The following SIPA1L2 variants were observed in gnomAD, a reference collection of about 807,000 sequenced individuals.
SIPA1L2 encodes the protein signal induced proliferation associated 1 like 2, also known as signal-induced proliferation-associated 1-like protein 2.
Under a neutral mutation model 163.9 loss-of-function variants are expected in SIPA1L2, and 56 were observed. The observed-to-expected ratio is 0.34, with a 90% CI of 0.28 to 0.43. The LOEUF (loss-of-function observed/expected upper bound fraction) is 0.43. Among genes scored for constraint, SIPA1L2 ranks in the 20% least tolerant of loss-of-function variants. The pLI, the probability that SIPA1L2 is intolerant of heterozygous loss-of-function variation, is 1.00. For missense variants in SIPA1L2, 1,974 were observed against 2,193.5 expected (o/e 0.90, Z 2.00); for synonymous variants, 877 against 865.7 (o/e 1.01, Z -0.23).
intron 16 of SIPA1L2, among the ~76,000 whole-genome samples, chr1:232,428,964 G>A (rs920380911): frequency 2.6e-5 from 4 of 152,256 alleles, no homozygotes; most frequent in East Asian, 1.9e-4. Context: ...CCAGAGCCCC[G>A]ATGGCACCCA....
intron 1 of SIPA1L2, among the ~76,000 whole-genome samples, chr1:232,621,345 C>T (rs1291957185): frequency 1.3e-5 from 2 of 151,834 alleles, no homozygotes; most frequent in African/African-American, 2.4e-5. Context: ...CTTATATGCA[C>T]ACACCTTCTT....
rs1396261477 is a variant in SIPA1L2, at chr1:232,514,900, T to A, written c.440A>T (p.His147Leu). ...AKYTIGDIFV[H>L]SPQRGLHPIR... is the part of the protein sequence containing the mutation. ...GGGGTGAAGTCCTCTTTGGGGGGAATGGACAAAGATGTCTCCGATTGTGTA... is the reference window on the plus strand; with the variant it reads ...GGGGTGAAGTCCTCTTTGGGGGGAAAGGACAAAGATGTCTCCGATTGTGTA... The change falls in exon 3 of 23, where the codon CAT becomes CTT. Residue 147 changes from histidine to leucine, a missense_variant. Physicochemically the swap from His to Leu is moderately conservative, Grantham distance 99 (BLOSUM62 -3). This residue lies in a region of SIPA1L2 where 607 missense variants were observed against 624.0 expected (regional missense o/e 0.97). Coordinates refer to ENST00000674635, the MANE Select transcript of SIPA1L2 (RefSeq NM_020808.5). 1 of 1,614,190 alleles carries A rather than the reference T, an allele frequency of 6.2e-7. No individual in the cohort carries two copies. Among genetic ancestry groups the A allele is most frequent in the Non-Finnish European group, 8.5e-7 (1 of 1,180,024 alleles).
chr1:232,467,286 T>G (rs79720249), intron 8 of SIPA1L2, among the ~76,000 whole-genome samples: 2 of 152,264 alleles, frequency 1.3e-5, no homozygotes, highest in Non-Finnish European at 2.9e-5. Flanking sequence ...TGCTTTATGG[T>G]AGTATATATA....
chr1:232,533,448 G>A (rs1452275526), intron 2 of SIPA1L2, among the ~76,000 whole-genome samples: 3 of 152,176 alleles, frequency 2.0e-5, no homozygotes, highest in Non-Finnish European at 4.4e-5. Flanking sequence ...ACTGGGCGGG[G>A]CAATGATCTC....
At chr1:232,401,453 C>T (rs1660334780) in intron 22 of SIPA1L2, among the ~76,000 whole-genome samples, 1 of 152,188 alleles carries the variant, frequency 6.6e-6, no homozygotes, top group African/African-American at 2.4e-5. Context: ...TATCCGCTAT[C>T]CACAAAACTC....
chr1:232,448,259 CG>C lies in SIPA1L2; in HGVS notation c.3096-2474del, dbSNP rs1321214572. Among the ~76,000 whole-genome samples, 20 of 152,300 alleles carry C rather than the reference CG, an allele frequency of 1.3e-4. No homozygotes were observed. The South Asian group carries it at 4.1e-3, about 32-fold the overall frequency. On this transcript the variant is annotated intron_variant, in intron 10 of 22. Coordinates refer to ENST00000674635, the MANE Select transcript of SIPA1L2 (RefSeq NM_020808.5). ...GCCTGCGAAGCTAATTGGTGCAGTT[CG>C]GCAAGGACACGGGAAGACTAGATAA... is the stretch of plus-strand genomic sequence containing the variant.
intron 10 of SIPA1L2, among the ~76,000 whole-genome samples, chr1:232,459,965 G>A (rs1005804041): frequency 6.6e-6 from 1 of 152,080 alleles, no homozygotes; most frequent in Non-Finnish European, 1.5e-5. Flanking sequence ...GTGAGACTTA[G>A]AGAGAGTGTG....
chr1:232,472,433 G>C (rs1031122907), intron 7 of SIPA1L2, among the ~76,000 whole-genome samples: 1 of 152,194 alleles, frequency 6.6e-6, no homozygotes, highest in South Asian at 2.1e-4. Flanking sequence ...GCCAGGCAAA[G>C]GAGGTACCCA....
intron 1 of SIPA1L2, among the ~76,000 whole-genome samples, chr1:232,577,279 T>G (rs1660128299): frequency 1.3e-5 from 2 of 152,162 alleles, no homozygotes; most frequent in Non-Finnish European, 2.9e-5. Context: ...CTAAATATTT[T>G]AAGTCCACAT....
intron 1 of SIPA1L2, among the ~76,000 whole-genome samples, chr1:232,615,768 GA>G (rs1290165469): frequency 7.2e-5 from 11 of 152,068 alleles, no homozygotes; most frequent in Non-Finnish European, 8.8e-5. Flanking sequence ...TACTTCCAAT[GA>G]GGGGGGGCAG....
chr1:232,432,509 G>C lies in SIPA1L2; in HGVS notation c.4032-38C>G, dbSNP rs375542404. The C allele has an allele frequency of 2.9e-5, 46 of 1,571,882 alleles. 1 individual carries two copies. Among genetic ancestry groups the C allele is most frequent in the South Asian group, 2.2e-4 (20 of 89,860 alleles). On this transcript the variant is annotated intron_variant, in intron 15 of 22. Coordinates refer to ENST00000674635, the MANE Select transcript of SIPA1L2 (RefSeq NM_020808.5). ...ACAGACAAAAGCTGCAATACAATCT[G>C]ATTTCAGCAGTGCTGGCACACGGCC... is the stretch of plus-strand genomic sequence containing the variant.
chr1:232,457,264 G>A (rs773828084), intron 10 of SIPA1L2, among the ~76,000 whole-genome samples: 1 of 152,168 alleles, frequency 6.6e-6, no homozygotes, highest in Non-Finnish European at 1.5e-5. Context: ...TAAATGACAG[G>A]CCACTCATGC....
In SIPA1L2 at chr1:232,514,737, T is replaced by C; in HGVS notation, c.603A>G (p.Gln201=). Reference sequence around the variant, plus strand: ...CAAAAAAGTTTTCACCAGATAAGCCTTGCCTGTCGATGGATGAAGTACTTC... The same window carrying C: ...CAAAAAAGTTTTCACCAGATAAGCCCTGCCTGTCGATGGATGAAGTACTTC... ...EYGSTSSIDR[Q]GLSGENFFAM... Residue 201 remains glutamine, a synonymous_variant, in exon 3 of 23, where the codon CAA becomes CAG. Coordinates refer to ENST00000674635, the MANE Select transcript of SIPA1L2 (RefSeq NM_020808.5). 3.1e-6 allele frequency: 5 copies of C among 1,614,186 alleles called. No individual in the cohort carries two copies. Among genetic ancestry groups the C allele is most frequent in the Non-Finnish European group, 4.2e-6 (5 of 1,180,032 alleles).
In SIPA1L2 at chr1:232,551,943, G is replaced by A. The variant is rs144378324; in HGVS notation, c.-270+22231C>T. On this transcript the variant is annotated intron_variant, in intron 2 of 22. Transcript: ENST00000674635. ...CAACCTCTGCCTCCTGGGTTTAAGCGATTCTCCTGCCTCAGCCTCCTAAGT... is the reference window on the plus strand; with the variant it reads ...CAACCTCTGCCTCCTGGGTTTAAGCAATTCTCCTGCCTCAGCCTCCTAAGT... 1.6e-3 allele frequency among the ~76,000 whole-genome samples: 250 copies of A among 152,288 alleles called. 1 individual carries two copies. The highest frequency in any genetic ancestry group is 5.8e-3 in the African/African-American group (243 of 41,556).
chr1:232,533,710 C>A (rs555458205), intron 2 of SIPA1L2, among the ~76,000 whole-genome samples: 1 of 152,156 alleles, frequency 6.6e-6, no homozygotes, highest in East Asian at 1.9e-4. Flanking sequence ...CTCTGCTAGA[C>A]CCTTGATACA....
At chr1:232,523,091 A>G (rs1400684237) in intron 2 of SIPA1L2, among the ~76,000 whole-genome samples, 3 of 152,228 alleles carry the variant, frequency 2.0e-5, no homozygotes, top group African/African-American at 7.2e-5. Flanking sequence ...TATTTGAGAG[A>G]CTTTATACTG....
intron 1 of SIPA1L2, among the ~76,000 whole-genome samples, chr1:232,600,979 A>G (rs1314120779): frequency 6.6e-6 from 1 of 152,254 alleles, no homozygotes; most frequent in Non-Finnish European, 1.5e-5. Flanking sequence ...CAAAGGTAGA[A>G]TGACAGTCCC....
At chr1:232,530,190 C>T (rs1198165745) in intron 2 of SIPA1L2, among the ~76,000 whole-genome samples, 3 of 140,596 alleles carry the variant, frequency 2.1e-5, no homozygotes, top group Non-Finnish European at 4.6e-5. Flanking sequence ...TCTTGGCTCA[C>T]TGCAACCTCC....
At chr1:232,408,069 C>T (rs148779680) in intron 19 of SIPA1L2, among the ~76,000 whole-genome samples, 10 of 152,232 alleles carry the variant, frequency 6.6e-5, no homozygotes, top group Middle Eastern at 3.4e-3. Context: ...TGCAGGGTGG[C>T]AAAACTATGA....
Sources: gnomAD v4.1 joint callset for allele counts (sites outside exome capture counted in the v4.1 genomes callset) on GRCh38, gnomAD v4.1.1 for gene constraint, gnomAD v4.1.1 regional missense constraint, MANE v1.5 for transcripts, NCBI Gene and HGNC (gene_info 2026-07-23, HGNC 2026-07-21) for gene names.